The following PPP1R37 variants were observed in gnomAD, a reference collection of about 807,000 sequenced individuals.
PPP1R37 encodes protein phosphatase 1 regulatory subunit 37.
In PPP1R37, 21 loss-of-function variants were observed where a neutral mutation model predicts 61.0. The ratio of observed to expected loss-of-function variants is 0.34; its 90% CI spans 0.24 to 0.50. The LOEUF (loss-of-function observed/expected upper bound fraction) is 0.50, where lower values mean the gene tolerates loss of function less well. Among genes scored for constraint, PPP1R37 ranks in the 20% least tolerant of loss-of-function variants. The pLI is 0.98. For synonymous variants in PPP1R37, 443 were observed against 433.5 expected, an observed-to-expected ratio of 1.02 and a Z score of -0.27; for missense variants, 910 against 952.7, an observed-to-expected ratio of 0.96 and a Z score of 0.59.
chr19:45,139,320 C>T (rs1291795164), intron 2 of PPP1R37, among the ~76,000 whole-genome samples: 1 of 152,266 alleles, frequency 6.6e-6, no homozygotes, highest in African/African-American at 2.4e-5. Flanking sequence ...ATCTCTTGCC[C>T]CAAGGCCCCC....
chr19:45,123,370 C>T (rs982082287), intron 1 of PPP1R37, among the ~76,000 whole-genome samples: 1 of 152,238 alleles, frequency 6.6e-6, no homozygotes, highest in African/African-American at 2.4e-5. Flanking sequence ...CGAGCGCATC[C>T]TTGCTGAGGG....
chr19:45,093,351 C>T lies in PPP1R37; in HGVS notation c.26C>T (p.Pro9Leu), dbSNP rs753578926. Residue 9 changes from proline to leucine, a missense_variant, in exon 1 of 13, where the codon CCG becomes CTG. Transcript: ENST00000221462. MEIAPQEA[P>L]PVPGADGDIE... ...ATGGAGATCGCGCCGCAGGAGGCGC[C>T]GCCCGTGCCGGGCGCGGACGGCGAC... 3.2e-5 allele frequency: 48 copies of T among 1,501,240 alleles called. No homozygotes were observed. Among genetic ancestry groups the T allele is most frequent in the Non-Finnish European group, 4.3e-5 (48 of 1,129,188 alleles). The allele number at this position is 1,501,240 out of a possible 1,614,324, so 93.0% of individuals were successfully genotyped here.
intron 1 of PPP1R37, among the ~76,000 whole-genome samples, chr19:45,113,046 CGACAGCTTA>C (rs1322261221): frequency 6.6e-6 from 1 of 152,172 alleles, no homozygotes; most frequent in African/African-American, 2.4e-5. Context: ...CTCCTGCCCT[CGACAGCTTA>C]GAGAAGAGTC....
At chr19:45,117,548 G>A (rs963282149) in intron 1 of PPP1R37, among the ~76,000 whole-genome samples, 3 of 152,148 alleles carry the variant, frequency 2.0e-5, no homozygotes, top group Non-Finnish European at 2.9e-5. Flanking sequence ...TCTGAATGGC[G>A]GGGACTGCAC....
intron 1 of PPP1R37, among the ~76,000 whole-genome samples, chr19:45,098,460 T>C (rs1968021462): frequency 6.6e-6 from 1 of 152,172 alleles, no homozygotes; most frequent in Non-Finnish European, 1.5e-5. Flanking sequence ...TCTCCCCTCC[T>C]CCAGTCCTGC....
intron 1 of PPP1R37, among the ~76,000 whole-genome samples, chr19:45,106,148 C>A (rs1599691346): frequency 6.6e-6 from 1 of 152,174 alleles, no homozygotes; most frequent in Non-Finnish European, 1.5e-5. Context: ...AGAGGGGTAA[C>A]CAGAGAGGGG....
intron 1 of PPP1R37, among the ~76,000 whole-genome samples, chr19:45,103,760 T>G (rs1002978307): frequency 6.6e-6 from 1 of 152,136 alleles, no homozygotes; most frequent in African/African-American, 2.4e-5. Flanking sequence ...TATGGAGCGC[T>G]TAACAGGGCT....
intron 5 of PPP1R37, among the ~76,000 whole-genome samples, 183 bp downstream of exon 5, chr19:45,141,624 C>T (rs545274059): frequency 1.3e-5 from 2 of 152,350 alleles, no homozygotes; most frequent in South Asian, 4.1e-4. Context: ...CCCCCAGGCC[C>T]CCTGGCCCCT....
chr19:45,098,434 C>T (rs939300546), intron 1 of PPP1R37, among the ~76,000 whole-genome samples: 3 of 152,228 alleles, frequency 2.0e-5, no homozygotes, highest in Non-Finnish European at 2.9e-5. Context: ...ACACCAGCCA[C>T]AGTCCGGGAG....
rs1323349998 is a variant in PPP1R37, at chr19:45,106,227, A to C, written c.202+12700A>C. Among the ~76,000 whole-genome samples, 4 of 151,382 alleles carry C rather than the reference A, an allele frequency of 2.6e-5. No homozygotes were observed. In the East Asian group the frequency reaches 7.7e-4, roughly 29 times the overall value. The stretch of plus-strand genomic sequence containing the variant: ...TGCTGCTCTCCTCGGCCACCCCTCC[A>C]GCTGTTTTGTTTTTGTTTTTGTTTT... On this transcript the variant is annotated intron_variant, in intron 1 of 12. Coordinates refer to ENST00000221462, the MANE Select transcript of PPP1R37 (RefSeq NM_019121.2).
chr19:45,116,133 G>A (rs758656863), intron 1 of PPP1R37, among the ~76,000 whole-genome samples: 14 of 152,202 alleles, frequency 9.2e-5, no homozygotes, highest in Non-Finnish European at 1.5e-4. Flanking sequence ...GTGGCATGAG[G>A]GAAGGTGCGC....
intron 1 of PPP1R37, among the ~76,000 whole-genome samples, chr19:45,125,825 A>G (rs1968397748): frequency 6.6e-6 from 1 of 152,222 alleles, no homozygotes; most frequent in Admixed American, 6.5e-5. Context: ...ACCCAGGGGA[A>G]GACAGGAAGA....
In PPP1R37 at chr19:45,145,124, A is replaced by G; in HGVS notation, c.1160A>G (p.Glu387Gly). ...GAVAVAEFIAESPRLLRLDLR... is the reference protein window; with the variant it reads ...GAVAVAEFIAGSPRLLRLDLR... ...GTGGCGGTGGCGGAGTTCATCGCTGAGAGCCCCCGCCTCCTGAGACTGGAC... is the reference window on the plus strand; with the variant it reads ...GTGGCGGTGGCGGAGTTCATCGCTGGGAGCCCCCGCCTCCTGAGACTGGAC... The change falls in exon 10 of 13, where the codon GAG becomes GGG. Residue 387 changes from glutamate (E) to glycine (G), a missense_variant. Coordinates refer to ENST00000221462, the MANE Select transcript of PPP1R37 (RefSeq NM_019121.2). 6.5e-7 allele frequency: 1 copy of G among 1,534,174 alleles called. No individual in the cohort carries two copies. Among genetic ancestry groups the G allele is most frequent in the Non-Finnish European group, 8.7e-7 (1 of 1,146,068 alleles).
At chr19:45,138,902 A>ATTT (rs1968572009) in intron 2 of PPP1R37, among the ~76,000 whole-genome samples, 7 of 90,720 alleles carry the variant, frequency 7.7e-5, no homozygotes, top group African/African-American at 4.8e-5. Context: ...AAATTTATGT[A>ATTT]TTCTTTTTTT....
chr19:45,144,557 A>G (rs1344608567), intron 8 of PPP1R37: 3 of 414,548 alleles, frequency 7.2e-6, no homozygotes, highest in African/African-American at 2.1e-5. Context: ...TGGGGGCTTC[A>G]GGGCGCTCAA....
rs941966968 is a variant in PPP1R37 at position 45,146,891 on chromosome 19, G to A, written c.*329G>A. 5.6e-6 allele frequency: 1 copy of A among 178,170 alleles called. No individual in the cohort carries two copies. The highest frequency in any genetic ancestry group is 1.2e-5 in the Non-Finnish European group (1 of 83,442). The allele number at this position is 178,170 out of a possible 1,614,324, so 11.0% of individuals were successfully genotyped here. ...GCCAGGCTTGCCCTGCGGAGGGCAG[G>A]CGTCCTGGGTGGTGGTGGGATGGTC... is the stretch of plus-strand genomic sequence containing the variant. On this transcript the variant is annotated 3_prime_UTR_variant, in exon 13 of 13. Transcript: ENST00000221462.
chr19:45,145,906 C>G lies in PPP1R37; in HGVS notation c.1850C>G (p.Ser617Cys). The stretch of plus-strand genomic sequence containing the variant: ...GCCATTGACACCCGGGACACAGGGT[C>G]CTCTGAGCCTCAGCCACCACCGGAG... ...AGAIDTRDTG[S>C]SEPQPPPEPP... The change falls in exon 11 of 13, where the codon TCC (serine) becomes TGC (cysteine). Residue 617 changes from serine to cysteine, a missense_variant. By Grantham distance (112) the Ser-to-Cys change is moderately radical. Around this residue, in one of 3 missense-constraint regions of PPP1R37, gnomAD observed 549 missense variants for 505.1 expected, o/e 1.09. Transcript: ENST00000221462. 1.3e-6 allele frequency: 2 copies of G among 1,533,460 alleles called. No individual in the cohort carries two copies. The highest frequency in any genetic ancestry group is 2.0e-5 in the Admixed American group (1 of 50,856). 95.0% of individuals were successfully genotyped at this position (1,533,460 alleles called of 1,614,324 possible). A position where few individuals can be genotyped will look rare whatever the true frequency, so the allele number is the denominator to read the frequency against.
chr19:45,134,186 T>C (rs1968511125), intron 1 of PPP1R37, among the ~76,000 whole-genome samples: 1 of 152,188 alleles, frequency 6.6e-6, no homozygotes, highest in Non-Finnish European at 1.5e-5. Context: ...TCTGAAATTT[T>C]TTTTGTAGAG....
intron 2 of PPP1R37, 75 bp from the exon 3 acceptor site, chr19:45,140,161 A>G: frequency 7.6e-7 from 1 of 1,319,974 alleles, no homozygotes; most frequent in Non-Finnish European, 1.1e-6. Context: ...GACCTCAGGC[A>G]TAGCAGCCAT....
Sources: allele counts gnomAD v4.1 joint callset (sites outside exome capture counted in the v4.1 genomes callset), GRCh38; gene constraint gnomAD v4.1.1; regional missense constraint gnomAD v4.1.1; transcripts MANE v1.5; gene names NCBI Gene and HGNC (gene_info 2026-07-23, HGNC 2026-07-21).